PRKD1: variants seen among roughly 807,000 people sequenced by gnomAD.
PRKD1 encodes the protein serine/threonine-protein kinase D1.
PRKD1 carries 63 observed loss-of-function variants against 95.9 expected under a neutral mutation model. The ratio of observed to expected loss-of-function variants is 0.66; its 90% CI spans 0.54 to 0.81. The LOEUF (loss-of-function observed/expected upper bound fraction) is 0.81, where lower values mean the gene tolerates loss of function less well. PRKD1 is among the 30% of genes least tolerant of loss of function. PRKD1 has a pLI of 0.00. For missense variants in PRKD1, 1,048 were observed against 1,165.3 expected (o/e 0.90, Z 1.47); for synonymous variants, 425 against 423.1 (o/e 1.00, Z -0.05).
At chr14:29,924,086 C>T (rs756055106) in intron 1 of PRKD1, among the ~76,000 whole-genome samples, 12 of 152,084 alleles carry the variant, frequency 7.9e-5, no homozygotes, top group African/African-American at 2.4e-4. Flanking sequence ...CAGGCTTCAA[C>T]GTCACACACT....
chr14:29,920,062 AAGG>A (rs1895044294), intron 1 of PRKD1, among the ~76,000 whole-genome samples: 1 of 131,556 alleles, frequency 7.6e-6, no homozygotes, highest in African/African-American at 3.7e-5. Context: ...GGAAGGAAGG[AAGG>A]AAAGAAGGAA....
chr14:29,687,295 G>T (rs576369499), intron 2 of PRKD1, among the ~76,000 whole-genome samples: 1 of 152,332 alleles, frequency 6.6e-6, no homozygotes, highest in African/African-American at 2.4e-5. Flanking sequence ...AATTCTACCA[G>T]CAGTACTAAA....
Position 29,578,284 on chromosome 14 carries a change from A to G in PRKD1, c.2511T>C (p.Pro837=). The G allele has an allele frequency of 1.9e-6, 3 of 1,604,658 alleles. No homozygotes were observed. Among genetic ancestry groups the G allele is most frequent in the Non-Finnish European group, 1.7e-6 (2 of 1,175,088 alleles). Reference sequence around the variant, plus strand: ...AGTGATTATTGTTTACCTGTAGCCAAGGGTGGCTCAAGGTCTTATCCACAC... The same window carrying G: ...AGTGATTATTGTTTACCTGTAGCCAGGGGTGGCTCAAGGTCTTATCCACAC... ...RYSVDKTLSH[P]WLQDYQTWLD... Residue 837 remains proline, a synonymous_variant, in exon 17 of 18, where the codon CCT becomes CCC. Coordinates refer to ENST00000331968, the MANE Select transcript of PRKD1 (RefSeq NM_002742.3).
At chr14:29,743,923 C>CA (rs1887096870) in intron 1 of PRKD1, among the ~76,000 whole-genome samples, 1 of 152,232 alleles carries the variant, frequency 6.6e-6, no homozygotes. Flanking sequence ...TCCCACTTGA[C>CA]TGGCTATCAC....
intron 1 of PRKD1, among the ~76,000 whole-genome samples, chr14:29,905,679 T>C (rs549191379): frequency 1.8e-4 from 28 of 152,310 alleles, no homozygotes; most frequent in South Asian, 8.3e-4. Context: ...CCATGAATGA[T>C]TGACGTGCAC....
chr14:29,597,414 A>C (rs560302389), intron 16 of PRKD1, 77 bp downstream of exon 16: 1 of 1,343,672 alleles, frequency 7.4e-7, no homozygotes, highest in African/African-American at 1.5e-5. Context: ...TTAATAATTT[A>C]CAATTAAATT....
At chr14:29,842,211 G>C (rs1423224466) in intron 1 of PRKD1, among the ~76,000 whole-genome samples, 3 of 152,148 alleles carry the variant, frequency 2.0e-5, no homozygotes, top group Non-Finnish European at 4.4e-5. Context: ...TACATCAGTG[G>C]AAGTACACTC....
At chr14:29,649,150 A>C (rs1046779514) in intron 4 of PRKD1, among the ~76,000 whole-genome samples, 1 of 152,126 alleles carries the variant, frequency 6.6e-6, no homozygotes, top group Non-Finnish European at 1.5e-5. Context: ...GCATGGCCAG[A>C]CTTGAGATGG....
chr14:29,770,940 A>T (rs1888477923), intron 1 of PRKD1, among the ~76,000 whole-genome samples: 1 of 150,828 alleles, frequency 6.6e-6, no homozygotes, highest in Admixed American at 6.6e-5. Context: ...CAAAAAAAAA[A>T]AAAAAAAAAA....
intron 1 of PRKD1, among the ~76,000 whole-genome samples, chr14:29,871,627 G>A (rs1893111920): frequency 1.3e-5 from 2 of 152,186 alleles, no homozygotes; most frequent in South Asian, 4.1e-4. Flanking sequence ...GATAATATGT[G>A]CAAAGATCTG....
chr14:29,900,873 G>A (rs1170801597), intron 1 of PRKD1, among the ~76,000 whole-genome samples: 2 of 152,102 alleles, frequency 1.3e-5, no homozygotes, highest in Non-Finnish European at 2.9e-5. Flanking sequence ...AAAAAGGAAC[G>A]CTTATACACT....
chr14:29,885,425 G>A (rs528402304), intron 1 of PRKD1, among the ~76,000 whole-genome samples: 35 of 152,090 alleles, frequency 2.3e-4, no homozygotes, highest in African/African-American at 7.5e-4. Context: ...AAATACCTAT[G>A]TTTTTAACTA....
intron 1 of PRKD1, among the ~76,000 whole-genome samples, chr14:29,806,562 A>C (rs1890243657): frequency 6.6e-6 from 1 of 152,192 alleles, no homozygotes; most frequent in Admixed American, 6.5e-5. Flanking sequence ...CAATAAATAA[A>C]GTAGTTGTTT....
chr14:29,734,575 C>A (rs896771688), intron 1 of PRKD1, among the ~76,000 whole-genome samples: 4 of 152,076 alleles, frequency 2.6e-5, no homozygotes, highest in African/African-American at 9.7e-5. Context: ...TTGAACATCT[C>A]TAAATATTCT....
intron 1 of PRKD1, among the ~76,000 whole-genome samples, chr14:29,749,684 A>G (rs1165727801): frequency 6.6e-6 from 1 of 152,178 alleles, no homozygotes; most frequent in East Asian, 1.9e-4. Context: ...ACATCTGTAA[A>G]GTTATTAGTA....
intron 1 of PRKD1, among the ~76,000 whole-genome samples, chr14:29,742,233 A>C (rs903608644): frequency 6.6e-6 from 1 of 152,180 alleles, no homozygotes; most frequent in African/African-American, 2.4e-5. Flanking sequence ...CATGCAGGAG[A>C]GGAAAGGAGA....
intron 9 of PRKD1, 22 bp downstream of exon 9, chr14:29,632,847 C>T: frequency 3.2e-6 from 5 of 1,582,706 alleles, no homozygotes; most frequent in Non-Finnish European, 4.3e-6. Context: ...TATGAAACTA[C>T]AAAGAAAGAG....
intron 1 of PRKD1, among the ~76,000 whole-genome samples, chr14:29,826,702 TATATACAC>T (rs1486805628): frequency 3.7e-5 from 2 of 54,788 alleles, no homozygotes; most frequent in African/African-American, 1.2e-4. Flanking sequence ...TATATATACA[TATATACAC>T]ATATATATAT....
At chr14:29,578,223 A>C in intron 17 of PRKD1, 52 bp downstream of exon 17, 2 of 1,282,382 alleles carry the variant, frequency 1.6e-6, no homozygotes, top group Non-Finnish European at 2.2e-6. Context: ...TCAAAATCCT[A>C]TAAATATTTA....
Sources: allele counts gnomAD v4.1 joint callset (sites outside exome capture counted in the v4.1 genomes callset), GRCh38; gene constraint gnomAD v4.1.1; transcripts MANE v1.5; gene names NCBI Gene and HGNC (gene_info 2026-07-23, HGNC 2026-07-21).